The following TRAK2 variants were observed in gnomAD, a reference collection of about 807,000 sequenced individuals.
TRAK2 encodes trafficking kinesin-binding protein 2.
TRAK2 carries 81 observed loss-of-function variants against 104.6 expected under a neutral mutation model. The ratio of observed to expected loss-of-function variants is 0.77; its 90% CI spans 0.65 to 0.93. The LOEUF is 0.93. Ranked by LOEUF, TRAK2 falls within the 40% of genes least tolerant of loss-of-function variation. The probability of loss-of-function intolerance (pLI) is 0.00; values close to 1 mark genes in which losing one functional copy is unlikely to be tolerated. For synonymous variants in TRAK2, 406 were observed against 394.4 expected (o/e 1.03, Z -0.35); for missense variants, 1,002 against 1,089.0 (o/e 0.92, Z 1.12).
intron 10 of TRAK2, among the ~76,000 whole-genome samples, chr2:201,390,293 C>G (rs1353108919): frequency 6.6e-6 from 1 of 151,214 alleles, no homozygotes; most frequent in Admixed American, 6.6e-5. Flanking sequence ...ACCTGTAATC[C>G]CAGCACTTTG....
chr2:201,383,726 A>G (rs555677265), intron 15 of TRAK2, among the ~76,000 whole-genome samples: 89 of 152,342 alleles, frequency 5.8e-4, no homozygotes, highest in African/African-American at 2.0e-3. Flanking sequence ...GCTGAACCTG[A>G]AAGTGGTTTT....
At position 201,407,585 on chromosome 2, in the gene TRAK2, T is replaced by C. The variant is rs755535570; in HGVS notation, c.104A>G (p.Asn35Ser). ...CAGCTCAACTTCAGGGAGATCCTCA[T>C]TGGAGCAGACATCTAAAGAGGAGAG... is the stretch of plus-strand genomic sequence containing the variant. ...DSESITDVCS[N>S]EDLPEVELVS... The change falls in exon 3 of 16, where the codon AAT (asparagine) becomes AGT (serine). Residue 35 changes from asparagine (N) to serine (S), a missense_variant. Asn to Ser is a conservative substitution (Grantham distance 46). Coordinates refer to ENST00000332624, the MANE Select transcript of TRAK2 (RefSeq NM_015049.3). The C allele has an allele frequency of 1.1e-5, 17 of 1,613,092 alleles. No individual in the cohort carries two copies. The highest frequency in any genetic ancestry group is 2.7e-5 in the African/African-American group (2 of 74,902).
intron 2 of TRAK2, among the ~76,000 whole-genome samples, chr2:201,414,306 T>C (rs1458256785): frequency 1.3e-5 from 2 of 152,194 alleles, no homozygotes; most frequent in Non-Finnish European, 2.9e-5. Context: ...TCTGTTAACA[T>C]GCTTAAAATA....
intron 1 of TRAK2, among the ~76,000 whole-genome samples, chr2:201,433,971 T>C (rs970176533): frequency 2.0e-5 from 3 of 152,124 alleles, no homozygotes; most frequent in African/African-American, 4.8e-5. Flanking sequence ...TTCTTTTTTT[T>C]TTTTGAGACC....
At chr2:201,401,523 G>C (rs1951550717) in intron 3 of TRAK2, among the ~76,000 whole-genome samples, 1 of 152,000 alleles carries the variant, frequency 6.6e-6, no homozygotes, top group African/African-American at 2.4e-5. Context: ...TTGGAATTCT[G>C]CTGTGATTAT....
At chr2:201,445,751 T>C (rs1040666168) in intron 1 of TRAK2, among the ~76,000 whole-genome samples, 1 of 152,186 alleles carries the variant, frequency 6.6e-6, no homozygotes, top group East Asian at 1.9e-4. Flanking sequence ...GGAAGAATTA[T>C]GGGGAAGGTA....
chr2:201,443,758 C>A (rs1445604173), intron 1 of TRAK2, among the ~76,000 whole-genome samples: 1 of 152,172 alleles, frequency 6.6e-6, no homozygotes, highest in Non-Finnish European at 1.5e-5. Flanking sequence ...CTCTCTTCCA[C>A]CATCCTAGTT....
chr2:201,405,057 A>AAGCT, intron 3 of TRAK2, among the ~76,000 whole-genome samples: 1 of 152,204 alleles, frequency 6.6e-6, no homozygotes, highest in East Asian at 1.9e-4. Flanking sequence ...GAATTGTACA[A>AAGCT]AGCTAGTACA....
chr2:201,392,999 A>C lies in TRAK2; in HGVS notation c.1023T>G (p.His341Gln). The C allele has an allele frequency of 1.2e-6, 2 of 1,613,802 alleles. No individual in the cohort carries two copies. The highest frequency in any genetic ancestry group is 1.7e-6 in the Non-Finnish European group (2 of 1,179,830). ...GTTCCTTTATTTCTTCTTGGGATTC[A>C]TGTAACATTCCTAGACACTCCATAT... is the stretch of plus-strand genomic sequence containing the variant. ...DRNMECLGML[H>Q]ESQEEIKELR... The change falls in exon 10 of 16, where the codon CAT becomes CAG. Residue 341 changes from histidine to glutamine, a missense_variant. Transcript: ENST00000332624.
At chr2:201,392,013 C>T (rs1338477417) in intron 10 of TRAK2, among the ~76,000 whole-genome samples, 1 of 151,842 alleles carries the variant, frequency 6.6e-6, no homozygotes, top group Non-Finnish European at 1.5e-5. Flanking sequence ...GGTTGTAGTG[C>T]GTTTATGTAG....
chr2:201,389,565 A>AC (rs3214366), intron 11 of TRAK2, 62 bp from the exon 12 acceptor site: 980,393 of 1,509,168 alleles, frequency 0.65, 324,143 homozygotes, highest in South Asian at 0.69. Context: ...TAGAGAAGAG[A>AC]ATGTATGTGC....
intron 1 of TRAK2, among the ~76,000 whole-genome samples, chr2:201,422,806 G>A (rs1043548562): frequency 6.6e-6 from 1 of 152,118 alleles, no homozygotes; most frequent in East Asian, 1.9e-4. Context: ...GTGGAGTTTA[G>A]TGAGTACAGA....
chr2:201,412,485 CTT>C (rs1951656341), intron 2 of TRAK2: 2 of 1,153,294 alleles, frequency 1.7e-6, no homozygotes, highest in Non-Finnish European at 2.6e-6. Context: ...TACTGAAACT[CTT>C]ATAAATGTCT....
intron 7 of TRAK2, among the ~76,000 whole-genome samples, chr2:201,397,165 G>A (rs1268056370): frequency 2.0e-5 from 3 of 152,106 alleles, no homozygotes; most frequent in Non-Finnish European, 4.4e-5. Flanking sequence ...CCACTTACCA[G>A]TTTTCTGACT....
At position 201,377,535 on chromosome 2, in the gene TRAK2, A is replaced by C. The variant is rs1036897812; in HGVS notation, c.*3008T>G. ...AACCACCAAGTACTAATTCTGTACT[A>C]AAATGGTCAGAAAAGATAACAAGCT... On this transcript the variant is annotated 3_prime_UTR_variant, in exon 16 of 16. Coordinates refer to ENST00000332624, the MANE Select transcript of TRAK2 (RefSeq NM_015049.3). 2.0e-5 allele frequency: 3 copies of C among 152,486 alleles called. No individual in the cohort carries two copies. Among genetic ancestry groups the C allele is most frequent in the African/African-American group, 7.2e-5 (3 of 41,454 alleles). 9.4% of individuals were successfully genotyped at this position (152,486 alleles called of 1,614,324 possible).
At chr2:201,427,563 G>T (rs1465133444) in intron 1 of TRAK2, among the ~76,000 whole-genome samples, 1 of 152,108 alleles carries the variant, frequency 6.6e-6, no homozygotes, top group Non-Finnish European at 1.5e-5. Context: ...TCTTAATCCA[G>T]TCTACCAATG....
At chr2:201,438,201 C>A (rs1396807674) in intron 1 of TRAK2, among the ~76,000 whole-genome samples, 1 of 151,658 alleles carries the variant, frequency 6.6e-6, no homozygotes, top group Non-Finnish European at 1.5e-5. Flanking sequence ...CTTTACTGAA[C>A]AATAAAACAA....
At chr2:201,413,120 CA>C in intron 2 of TRAK2, 1 of 1,146,112 alleles carries the variant, frequency 8.7e-7, no homozygotes, top group Non-Finnish European at 1.3e-6. Flanking sequence ...TTATCAAAGA[CA>C]AAAACAGCCA....
At position 201,398,202 on chromosome 2, in the gene TRAK2, T is replaced by G; in HGVS notation, c.633A>C (p.Glu211Asp). The G allele has an allele frequency of 6.2e-7, 1 of 1,613,790 alleles. No individual in the cohort carries two copies. The highest frequency in any genetic ancestry group is 8.5e-7 in the Non-Finnish European group (1 of 1,179,738). ...GTTCCTTGAGCTTTTCTTGCAGCAT[T>G]TCCAACTGCAGCAACCCTTGAGATA... Reference protein sequence around the residue: ...FSLSQGLLQLEMLQEKLKELE... With the variant: ...FSLSQGLLQLDMLQEKLKELE... The change falls in exon 6 of 16, where the codon GAA (glutamate) becomes GAC (aspartate). Residue 211 changes from glutamate (E) to aspartate (D), a missense_variant. Physicochemically the swap from Glu to Asp is conservative, Grantham distance 45. Transcript: ENST00000332624.
Sources: allele counts gnomAD v4.1 joint callset (sites outside exome capture counted in the v4.1 genomes callset), GRCh38; gene constraint gnomAD v4.1.1; transcripts MANE v1.5; gene names NCBI Gene and HGNC (gene_info 2026-07-23, HGNC 2026-07-21).